Variants in ERGIC1 observed in about 807,000 individuals in gnomAD.
ERGIC1 encodes the protein endoplasmic reticulum-golgi intermediate compartment 1.
A neutral mutation model predicts 38.3 loss-of-function variants in ERGIC1; 19 were observed. The observed-to-expected ratio is 0.50, with a 90% CI of 0.35 to 0.73. The LOEUF (loss-of-function observed/expected upper bound fraction) is 0.73. Among genes scored for constraint, ERGIC1 ranks in the 30% least tolerant of loss-of-function variants. The pLI is 0.01. For missense variants in ERGIC1, 294 were observed against 389.2 expected (o/e 0.76, Z 2.06); for synonymous variants, 124 against 157.6 (o/e 0.79, Z 1.60).
intron 2 of ERGIC1, among the ~76,000 whole-genome samples, chr5:172,892,250 G>A (rs1011880331): frequency 3.9e-5 from 6 of 152,076 alleles, no homozygotes; most frequent in African/African-American, 1.4e-4. Flanking sequence ...TTATTAACCA[G>A]GTCCTTGGGC....
chr5:172,864,902 CCAGCCTGGGT>C (rs757933056), intron 1 of ERGIC1, among the ~76,000 whole-genome samples: 7 of 152,066 alleles, frequency 4.6e-5, no homozygotes, highest in Non-Finnish European at 1.0e-4. Flanking sequence ...AATTAAGATT[CCAGCCTGGGT>C]CAGCCTGACT....
chr5:172,935,157 G>A (rs1379549322), intron 8 of ERGIC1, 31 bp from the exon 9 acceptor site: 1 of 1,613,620 alleles, frequency 6.2e-7, no homozygotes, highest in Non-Finnish European at 8.5e-7. Context: ...GACACAGTTT[G>A]TACTTCTGAT....
At chr5:172,875,047 C>T (rs749256310) in intron 1 of ERGIC1, among the ~76,000 whole-genome samples, 25 of 152,158 alleles carry the variant, frequency 1.6e-4, no homozygotes, top group Middle Eastern at 3.2e-3. Context: ...GCAGAACCTT[C>T]CAGGTAGAAC....
At chr5:172,914,583 T>G in intron 4 of ERGIC1, 131 bp from the exon 5 acceptor site, 3 of 1,458,484 alleles carry the variant, frequency 2.1e-6, no homozygotes, top group Non-Finnish European at 1.9e-6. Flanking sequence ...CCCCAGACCA[T>G]GAGCTCCTGG....
chr5:172,892,160 G>C (rs1200897259), intron 2 of ERGIC1, among the ~76,000 whole-genome samples: 1 of 149,210 alleles, frequency 6.7e-6, no homozygotes. Flanking sequence ...CAGCACAGGA[G>C]ACAGCAAATT....
rs560873806 is a variant in ERGIC1 at position 172,929,401 on chromosome 5, A to G, written c.541+2832A>G. 2.0e-5 allele frequency among the ~76,000 whole-genome samples: 3 copies of G among 152,234 alleles called. No homozygotes were observed. In the East Asian group the frequency reaches 5.8e-4, roughly 29 times the overall value. ...GGTAGGGGAGGAGGAGTGAGCTTGA[A>G]GGGAATGTGGGCTGGCCTAGACCAG... On this transcript the variant is annotated intron_variant, in intron 7 of 9. Coordinates refer to ENST00000393784, the MANE Select transcript of ERGIC1 (RefSeq NM_001031711.3).
chr5:172,871,921 A>G (rs1167050757), intron 1 of ERGIC1, among the ~76,000 whole-genome samples: 1 of 152,250 alleles, frequency 6.6e-6, no homozygotes, highest in African/African-American at 2.4e-5. Flanking sequence ...CTAGCCTCTC[A>G]GCCAGGCCCA....
At chr5:172,843,595 G>A (rs1474968862) in intron 1 of ERGIC1, among the ~76,000 whole-genome samples, 1 of 152,230 alleles carries the variant, frequency 6.6e-6, no homozygotes, top group Non-Finnish European at 1.5e-5. Context: ...ATGGTGTGCA[G>A]AAAGAGTCTC....
chr5:172,920,686 AG>A, intron 5 of ERGIC1: 1 of 507,904 alleles, frequency 2.0e-6, no homozygotes, highest in Non-Finnish European at 3.6e-6. Context: ...ACGGCCCGGC[AG>A]GGGTGGCAGG....
chr5:172,892,680 C>T (rs73325172), intron 2 of ERGIC1, among the ~76,000 whole-genome samples: 1 of 152,176 alleles, frequency 6.6e-6, no homozygotes, highest in Non-Finnish European at 1.5e-5. Context: ...CTTCATCAAG[C>T]CTTCAGTATC....
intron 9 of ERGIC1, among the ~76,000 whole-genome samples, chr5:172,948,191 G>A (rs181641697): frequency 6.6e-6 from 1 of 152,286 alleles, no homozygotes; most frequent in East Asian, 1.9e-4. Context: ...TTCCTGGGCT[G>A]TTATTACTGG....
intron 1 of ERGIC1, among the ~76,000 whole-genome samples, chr5:172,842,319 C>G (rs369275642): frequency 6.6e-6 from 1 of 152,190 alleles, no homozygotes; most frequent in East Asian, 1.9e-4. Flanking sequence ...TTTCACATAA[C>G]GTAATGTCCA....
chr5:172,892,117 C>T (rs1291137852), intron 2 of ERGIC1, among the ~76,000 whole-genome samples: 2 of 145,540 alleles, frequency 1.4e-5, no homozygotes, highest in Admixed American at 1.4e-4. Context: ...AAAGGGCCCT[C>T]CAGGGACATG....
At chr5:172,850,242 C>T (rs1268945738) in intron 1 of ERGIC1, among the ~76,000 whole-genome samples, 1 of 152,244 alleles carries the variant, frequency 6.6e-6, no homozygotes, top group Non-Finnish European at 1.5e-5. Context: ...TTGGTCAGAG[C>T]TGAGTTAACC....
chr5:172,920,778 A>G (rs960323355), intron 5 of ERGIC1, among the ~76,000 whole-genome samples: 5 of 152,218 alleles, frequency 3.3e-5, no homozygotes, highest in African/African-American at 1.2e-4. Flanking sequence ...GAACTCTGCC[A>G]TGGCCCGATC....
chr5:172,950,484 A>G (rs1764207435), intron 9 of ERGIC1, among the ~76,000 whole-genome samples: 1 of 152,236 alleles, frequency 6.6e-6, no homozygotes, highest in African/African-American at 2.4e-5. Flanking sequence ...GGAGCTCATA[A>G]TGGTGAAAAT....
intron 9 of ERGIC1, among the ~76,000 whole-genome samples, chr5:172,941,438 G>A (rs1764010619): frequency 6.6e-6 from 1 of 152,108 alleles, no homozygotes; most frequent in Non-Finnish European, 1.5e-5. Context: ...TTAAACTGAG[G>A]CTCAGAGAGG....
intron 7 of ERGIC1, among the ~76,000 whole-genome samples, chr5:172,927,410 G>C (rs1384857241): frequency 2.0e-5 from 3 of 152,086 alleles, no homozygotes; most frequent in Non-Finnish European, 2.9e-5. Flanking sequence ...TCATTTTTCT[G>C]TGTCCCTGTG....
At chr5:172,883,964 G>A (rs752666801) in intron 1 of ERGIC1, among the ~76,000 whole-genome samples, 8 of 152,156 alleles carry the variant, frequency 5.3e-5, no homozygotes, top group Non-Finnish European at 8.8e-5. Flanking sequence ...CTGGGTCACA[G>A]TGAGACCCTG....
Sources: gnomAD v4.1 joint callset for allele counts (sites outside exome capture counted in the v4.1 genomes callset) on GRCh38, gnomAD v4.1.1 for gene constraint, MANE v1.5 for transcripts, NCBI Gene and HGNC (gene_info 2026-07-23, HGNC 2026-07-21) for gene names.